The following WAC variants were observed in gnomAD, a reference collection of about 807,000 sequenced individuals.
WAC encodes WW domain containing adaptor with coiled-coil.
In WAC, 11 loss-of-function variants were observed where a neutral mutation model predicts 79.6. The observed-to-expected ratio is 0.14, with a 90% CI of 0.09 to 0.23. The LOEUF is 0.23. WAC is among the 10% of genes least tolerant of loss of function. The pLI is 1.00. For synonymous variants in WAC, 304 were observed against 276.9 expected (o/e 1.10, Z -0.97); for missense variants, 728 against 773.5 (o/e 0.94, Z 0.70).
chr10:28,572,426 G>A (rs1353092787), intron 3 of WAC, among the ~76,000 whole-genome samples: 1 of 151,922 alleles, frequency 6.6e-6, no homozygotes, highest in Admixed American at 6.6e-5. Context: ...GCTTTTCTGA[G>A]GATGTGACAT....
chr10:28,569,373 GA>G (rs1838825568), intron 3 of WAC, among the ~76,000 whole-genome samples: 1 of 152,126 alleles, frequency 6.6e-6, no homozygotes, highest in Admixed American at 6.5e-5. Context: ...TGCTTTGTTG[GA>G]AATCTGTTTG....
Position 28,619,665 on chromosome 10 carries a change from T to A in WAC, c.*59T>A, listed in dbSNP as rs910026101. ...GGAACTGTAAATCTGTTGCCCAATC[T>A]TAACATTTTTGAGCTGCATTTAAGT... On this transcript the variant is annotated 3_prime_UTR_variant, in exon 14 of 14. Transcript: ENST00000354911. The A allele has an allele frequency of 6.3e-6, 9 of 1,432,040 alleles. No homozygotes were observed. Among genetic ancestry groups the A allele is most frequent in the African/African-American group, 1.5e-5 (1 of 67,312 alleles). 88.7% of individuals were successfully genotyped at this position (1,432,040 alleles called of 1,614,324 possible). A position where few individuals can be genotyped will look rare whatever the true frequency, so the allele number is the denominator to read the frequency against.
At chr10:28,607,710 C>T (rs1193812041) in intron 7 of WAC, among the ~76,000 whole-genome samples, 13 of 152,176 alleles carry the variant, frequency 8.5e-5, no homozygotes, top group Admixed American at 8.5e-4. Context: ...TGTACCTACC[C>T]TGATTTGTAT....
chr10:28,608,670 T>C (rs1300401017), intron 8 of WAC: 3 of 483,826 alleles, frequency 6.2e-6, no homozygotes, highest in Non-Finnish European at 1.1e-5. Context: ...TCAATACTTG[T>C]TATGTGTCTG....
At chr10:28,533,782 G>T (rs1055402952) in intron 1 of WAC, 162 bp downstream of exon 1, 2 of 982,048 alleles carry the variant, frequency 2.0e-6, no homozygotes, top group Non-Finnish European at 3.0e-6. Flanking sequence ...GGGCGGGAAC[G>T]CAGTGTGGCG....
intron 3 of WAC, among the ~76,000 whole-genome samples, chr10:28,554,160 C>G (rs976338192): frequency 2.0e-5 from 3 of 152,156 alleles, no homozygotes; most frequent in African/African-American, 7.2e-5. Context: ...TGAACTGCCG[C>G]ACCCAGCCTT....
chr10:28,594,584 G>A (rs1840257981), intron 6 of WAC, among the ~76,000 whole-genome samples: 1 of 152,054 alleles, frequency 6.6e-6, no homozygotes, highest in Non-Finnish European at 1.5e-5. Flanking sequence ...TGGTATTCCG[G>A]TACCTTTTGT....
At chr10:28,607,340 GTGTTCTT>G (rs1346509550) in intron 7 of WAC, among the ~76,000 whole-genome samples, 1 of 152,098 alleles carries the variant, frequency 6.6e-6, no homozygotes, top group Non-Finnish European at 1.5e-5. Flanking sequence ...CCTGCTGGCA[GTGTTCTT>G]TTTCTTCAGG....
chr10:28,569,494 G>A (rs1838830463), intron 3 of WAC, among the ~76,000 whole-genome samples: 1 of 152,100 alleles, frequency 6.6e-6, no homozygotes. Flanking sequence ...TGTGCTAAGG[G>A]GTGTATATAG....
intron 3 of WAC, among the ~76,000 whole-genome samples, chr10:28,543,768 A>G (rs1837192170): frequency 1.3e-5 from 2 of 152,232 alleles, no homozygotes; most frequent in South Asian, 4.1e-4. Flanking sequence ...GTCACCTTGT[A>G]TCTTCTCATT....
At chr10:28,566,264 T>C (rs1278777339) in intron 3 of WAC, among the ~76,000 whole-genome samples, 1 of 152,102 alleles carries the variant, frequency 6.6e-6, no homozygotes, top group Admixed American at 6.5e-5. Context: ...TGTGTGCACG[T>C]GTGTGTGTGC....
chr10:28,614,250 C>T (rs1452187286), intron 10 of WAC, among the ~76,000 whole-genome samples: 8 of 151,982 alleles, frequency 5.3e-5, no homozygotes, highest in African/African-American at 1.2e-4. Flanking sequence ...GGACTACAGG[C>T]GCCCGCCACT....
intron 3 of WAC, among the ~76,000 whole-genome samples, chr10:28,542,664 A>G (rs757777046): frequency 3.9e-5 from 6 of 152,190 alleles, no homozygotes; most frequent in Admixed American, 2.6e-4. Flanking sequence ...GTAACATCAA[A>G]TGTGGATGGA....
chr10:28,559,901 T>A (rs1354118669), intron 3 of WAC, among the ~76,000 whole-genome samples: 1 of 152,232 alleles, frequency 6.6e-6, no homozygotes, highest in African/African-American at 2.4e-5. Context: ...TCACAAGGGC[T>A]AGATCATGTA....
intron 4 of WAC, among the ~76,000 whole-genome samples, chr10:28,584,145 G>A (rs1162219575): frequency 3.9e-5 from 6 of 152,132 alleles, no homozygotes; most frequent in African/African-American, 1.4e-4. Flanking sequence ...GGGACCTGTG[G>A]TAGAGACAGA....
At position 28,619,533 on chromosome 10, in the gene WAC, TCAG is replaced by T; in HGVS notation, c.1875-3_1875-1del. 1 of 1,572,204 alleles carries T rather than the reference TCAG, an allele frequency of 6.4e-7. No individual in the cohort carries two copies. The highest frequency in any genetic ancestry group is 2.1e-5 in the Admixed American group (1 of 47,378). On this transcript the variant is annotated splice_acceptor_variant and splice_polypyrimidine_tract_variant and intron_variant, in intron 13 of 13. Transcript: ENST00000354911. LOFTEE classifies it high-confidence loss of function. ...AGGTTCTAATGTCTGCTTTTTTTTT[TCAG>T]GATACTATTTTTGAGACAACAAATT...
At chr10:28,553,585 A>G (rs889324735) in intron 3 of WAC, among the ~76,000 whole-genome samples, 1 of 152,124 alleles carries the variant, frequency 6.6e-6, no homozygotes, top group African/African-American at 2.4e-5. Context: ...AAGGCATTAT[A>G]TGGTTTTATA....
intron 3 of WAC, among the ~76,000 whole-genome samples, chr10:28,543,401 C>A (rs1301310504): frequency 6.6e-6 from 1 of 152,190 alleles, no homozygotes; most frequent in Non-Finnish European, 1.5e-5. Context: ...ACTTTACATT[C>A]CCTTTTTGGT....
intron 3 of WAC, among the ~76,000 whole-genome samples, chr10:28,577,101 A>T (rs1839281044): frequency 6.6e-6 from 1 of 152,140 alleles, no homozygotes; most frequent in African/African-American, 2.4e-5. Context: ...ACTTGTTGTG[A>T]TCCATTTTTC....
Sources: gnomAD v4.1 joint callset for allele counts (sites outside exome capture counted in the v4.1 genomes callset) on GRCh38, gnomAD v4.1.1 for gene constraint, MANE v1.5 for transcripts, NCBI Gene and HGNC (gene_info 2026-07-23, HGNC 2026-07-21) for gene names.